Variants in SLC24A2 observed in about 807,000 individuals in gnomAD.
The protein encoded by SLC24A2 is sodium/potassium/calcium exchanger 2.
In SLC24A2, 36 loss-of-function variants were observed where a neutral mutation model predicts 62.0. The ratio of observed to expected loss-of-function variants is 0.58; its 90% CI spans 0.44 to 0.77. SLC24A2 has a LOEUF of 0.77. Ranked by LOEUF, SLC24A2 falls within the 30% of genes least tolerant of loss-of-function variation. The pLI, the probability that SLC24A2 is intolerant of heterozygous loss-of-function variation, is 0.00. For synonymous variants in SLC24A2, 358 were observed against 294.0 expected (o/e 1.22, Z -2.23); for missense variants, 846 against 817.9 (o/e 1.03, Z -0.42).
the SLC24A2 span, among the ~76,000 whole-genome samples, chr9:19,884,130 C>T: frequency 6.6e-6 from 1 of 152,208 alleles, no homozygotes; most frequent in Non-Finnish European, 1.5e-5. Flanking sequence ...AATTATCCCT[C>T]ACAACAGGGT....
chr9:19,541,258 T>A (rs1834237577), intron 8 of SLC24A2, among the ~76,000 whole-genome samples: 1 of 149,402 alleles, frequency 6.7e-6, no homozygotes. Context: ...AGGAACTGCG[T>A]TCCTTTGGAG....
At chr9:19,606,139 T>C (rs1370221050) in intron 4 of SLC24A2, among the ~76,000 whole-genome samples, 2 of 152,222 alleles carry the variant, frequency 1.3e-5, no homozygotes, top group African/African-American at 4.8e-5. Flanking sequence ...AAGAAAATAG[T>C]TGTAACCTAT....
intron 4 of SLC24A2, among the ~76,000 whole-genome samples, chr9:19,613,827 C>G (rs1200657162): frequency 1.3e-5 from 2 of 152,128 alleles, no homozygotes; most frequent in Non-Finnish European, 2.9e-5. Context: ...GACTGTGAGT[C>G]AGGCAGATAC....
At chr9:19,991,043 T>G in the SLC24A2 span, among the ~76,000 whole-genome samples, 1 of 70,256 alleles carries the variant, frequency 1.4e-5, no homozygotes, top group Non-Finnish European at 2.8e-5. Flanking sequence ...CACACATACA[T>G]ACATACATAC....
At chr9:20,206,404 G>A in the SLC24A2 span, among the ~76,000 whole-genome samples, 1 of 152,124 alleles carries the variant, frequency 6.6e-6, no homozygotes, top group Admixed American at 6.5e-5. Context: ...CTATTCTCAT[G>A]AATTTTTTTG....
At chr9:19,921,455 G>A in the SLC24A2 span, among the ~76,000 whole-genome samples, 43 of 149,344 alleles carry the variant, frequency 2.9e-4, no homozygotes, top group African/African-American at 1.1e-3. Flanking sequence ...GGTGGAGCTT[G>A]CAGTGAGCCA....
the SLC24A2 span, among the ~76,000 whole-genome samples, chr9:20,000,212 C>G: frequency 6.6e-6 from 1 of 152,164 alleles, no homozygotes; most frequent in Non-Finnish European, 1.5e-5. Flanking sequence ...TATTATTTCA[C>G]CTTTTGAAGT....
At chr9:19,755,417 C>T (rs1241202567) in intron 2 of SLC24A2, among the ~76,000 whole-genome samples, 2 of 152,110 alleles carry the variant, frequency 1.3e-5, no homozygotes, top group East Asian at 1.9e-4. Flanking sequence ...TTCTAATCCA[C>T]GTGACTTGGG....
the SLC24A2 span, among the ~76,000 whole-genome samples, chr9:20,228,353 G>A: frequency 5.3e-5 from 8 of 151,964 alleles, no homozygotes; most frequent in South Asian, 8.3e-4. Context: ...AGTACAGAGC[G>A]CTCTGAGTTG....
the SLC24A2 span, among the ~76,000 whole-genome samples, chr9:19,894,982 T>C: frequency 6.6e-6 from 1 of 152,234 alleles, no homozygotes; most frequent in African/African-American, 2.4e-5. Context: ...CTAAATGAAA[T>C]TGTATATTTC....
intron 5 of SLC24A2, among the ~76,000 whole-genome samples, chr9:19,579,198 G>C (rs1302315639): frequency 6.6e-6 from 1 of 152,176 alleles, no homozygotes; most frequent in African/African-American, 2.4e-5. Context: ...AGGAAAAGGA[G>C]GTGGTAAAGA....
intron 2 of SLC24A2, among the ~76,000 whole-genome samples, chr9:19,726,493 C>T (rs1341223336): frequency 6.6e-6 from 1 of 152,140 alleles, no homozygotes; most frequent in African/African-American, 2.4e-5. Flanking sequence ...TCAGAAAGCA[C>T]AGCACTCCCT....
At chr9:19,540,617 TTCTC>T (rs1199483916) in intron 8 of SLC24A2, among the ~76,000 whole-genome samples, 1 of 145,994 alleles carries the variant, frequency 6.8e-6, no homozygotes, top group Non-Finnish European at 1.5e-5. Context: ...AACCTGACCT[TTCTC>T]TCTGGCTGCC....
chr9:20,154,406 G>A, the SLC24A2 span, among the ~76,000 whole-genome samples: 1 of 151,736 alleles, frequency 6.6e-6, no homozygotes, highest in East Asian at 1.9e-4. Flanking sequence ...AAGGAGGAGA[G>A]AATCTGGGGA....
At chr9:20,194,431 A>G in the SLC24A2 span, among the ~76,000 whole-genome samples, 1 of 152,216 alleles carries the variant, frequency 6.6e-6, no homozygotes, top group East Asian at 1.9e-4. Flanking sequence ...TCACATGCTC[A>G]TGGCCACTCC....
At chr9:20,014,914 T>C in the SLC24A2 span, among the ~76,000 whole-genome samples, 1 of 152,208 alleles carries the variant, frequency 6.6e-6, no homozygotes, top group East Asian at 1.9e-4. Context: ...TACGTAAGTA[T>C]GGTGATAGAA....
At chr9:19,909,303 A>C in the SLC24A2 span, among the ~76,000 whole-genome samples, 2 of 150,666 alleles carry the variant, frequency 1.3e-5, no homozygotes, top group Non-Finnish European at 3.0e-5. Flanking sequence ...GGACACAGGA[A>C]GGGGAACATC....
At chr9:20,078,639 C>G in the SLC24A2 span, among the ~76,000 whole-genome samples, 3 of 152,204 alleles carry the variant, frequency 2.0e-5, no homozygotes, top group African/African-American at 7.2e-5. Context: ...CCACCTCCAT[C>G]TCCCTTCTGG....
intron 2 of SLC24A2, among the ~76,000 whole-genome samples, chr9:19,656,310 G>C (rs368340080): frequency 6.6e-6 from 1 of 152,218 alleles, no homozygotes; most frequent in Non-Finnish European, 1.5e-5. Context: ...GGAGTGCTAT[G>C]TGTGGTTAAT....
Sources: gnomAD v4.1 joint callset for allele counts (sites outside exome capture counted in the v4.1 genomes callset) on GRCh38, gnomAD v4.1.1 for gene constraint, MANE v1.5 for transcripts, NCBI Gene and HGNC (gene_info 2026-07-23, HGNC 2026-07-21) for gene names.